ZNF574: variants seen among roughly 807,000 people sequenced by gnomAD.
The protein encoded by ZNF574 is zinc finger protein 574.
ZNF574 carries 25 observed loss-of-function variants against 56.6 expected under a neutral mutation model. The observed-to-expected ratio is 0.44, with a 90% CI of 0.32 to 0.62. The LOEUF (loss-of-function observed/expected upper bound fraction) is 0.62. ZNF574 is among the 20% of genes least tolerant of loss of function. The pLI is 0.04. For synonymous variants in ZNF574, 543 were observed against 492.1 expected (o/e 1.10, Z -1.37); for missense variants, 1,065 against 1,218.9 (o/e 0.87, Z 1.88).
At chr19:42,074,514 G>GTA (rs1244785053), upstream of ZNF574, among the ~76,000 whole-genome samples, 1 of 151,200 alleles carries the variant, frequency 6.6e-6, no homozygotes, top group Non-Finnish European at 1.5e-5. Flanking sequence ...AATAAAATGA[G>GTA]TAACTCCTAG....
intron 1 of ZNF574, among the ~76,000 whole-genome samples, chr19:42,070,132 C>G (rs1378583951): frequency 1.3e-5 from 2 of 152,078 alleles, no homozygotes; most frequent in African/African-American, 4.8e-5. Flanking sequence ...CTGGCTGCCG[C>G]CACCGCTCAG....
upstream of ZNF574, among the ~76,000 whole-genome samples, chr19:42,072,236 CTT>C (rs1200141888): frequency 9.6e-5 from 13 of 135,140 alleles, no homozygotes; most frequent in Non-Finnish European, 9.5e-5. Context: ...TTTTCCTTTT[CTT>C]TTTTTTTTTT....
chr19:42,079,021 G>C lies in ZNF574; in HGVS notation c.415G>C (p.Glu139Gln). The C allele has an allele frequency of 6.2e-7, 1 of 1,614,058 alleles. No homozygotes were observed. ...TTGCAAGGCTCTCTTTGCCAGCCAG[G>C]AGCTCTGGCTGAACCACCGGCAGAC... is the stretch of plus-strand genomic sequence containing the variant. Reference protein sequence around the residue: ...VDCKALFASQELWLNHRQTHL... With the variant: ...VDCKALFASQQLWLNHRQTHL... Residue 139 changes from glutamate (E) to glutamine (Q), a missense_variant, in exon 2 of 2, where the codon GAG becomes CAG. Coordinates refer to ENST00000359044, the MANE Select transcript of ZNF574 (RefSeq NM_022752.6). This position sits in a 1 kb window ranked among gnomAD's most constrained non-coding sequence, Gnocchi z 4.3.
rs755291367 is a variant in ZNF574, at chr19:42,081,160, G to A, written c.2554G>A (p.Val852Met). 6.2e-7 allele frequency: 1 copy of A among 1,614,100 alleles called. No individual in the cohort carries two copies. The highest frequency in any genetic ancestry group is 1.3e-5 in the African/African-American group (1 of 75,080). ...KTHQQQHQAA[V>M]RQQLAEAEAA... is the part of the protein sequence containing the mutation. Reference sequence around the variant, plus strand: ...CCATCAGCAGCAGCATCAGGCAGCTGTGCGGCAGCAGCTGGCAGAGGCGGA... The same window carrying A: ...CCATCAGCAGCAGCATCAGGCAGCTATGCGGCAGCAGCTGGCAGAGGCGGA... The change falls in exon 2 of 2, where the codon GTG becomes ATG. Residue 852 changes from valine (V) to methionine (M), a missense_variant. Physicochemically the swap from Val to Met is conservative, Grantham distance 21. Coordinates refer to ENST00000359044, the MANE Select transcript of ZNF574 (RefSeq NM_022752.6).
chr19:42,080,210 C>T lies in ZNF574; in HGVS notation c.1604C>T (p.Pro535Leu). 6.2e-7 allele frequency: 1 copy of T among 1,613,700 alleles called. No homozygotes were observed. Among genetic ancestry groups the T allele is most frequent in the Non-Finnish European group, 8.5e-7 (1 of 1,179,894 alleles). The change falls in exon 2 of 2, where the codon CCT (proline) becomes CTT (leucine). Residue 535 changes from proline (P) to leucine (L), a missense_variant. Transcript: ENST00000359044. The surrounding 1 kb of genome is among the most constrained non-coding windows in gnomAD (Gnocchi z 8.5). ...CPDCSKPFNS[P>L]ANLARHRLTH... ...GACTGCTCCAAGCCCTTCAACTCAC[C>T]TGCCAACCTGGCCCGCCACCGGCTC...
intron 1 of ZNF574, chr19:42,069,003 C>A (rs1263042046): frequency 1.9e-6 from 1 of 521,068 alleles, no homozygotes; most frequent in Non-Finnish European, 3.4e-6. Flanking sequence ...CCCGTAGGAC[C>A]CCAGAAAGCT....
chr19:42,079,081 C>T lies in ZNF574; in HGVS notation c.475C>T (p.Pro159Ser), dbSNP rs1232606983. The change falls in exon 2 of 2, where the codon CCT becomes TCT. Residue 159 changes from proline (P) to serine (S), a missense_variant. By Grantham distance (74) the Pro-to-Ser change is moderately conservative. Transcript: ENST00000359044. This position sits in a 1 kb window ranked among gnomAD's most constrained non-coding sequence, Gnocchi z 4.3. ...LRATPTKAPA[P>S]VVLGSPVVLG... ...GGCCACACCCACCAAGGCTCCTGCC[C>T]CTGTTGTCCTGGGGTCCCCAGTTGT... is the stretch of plus-strand genomic sequence containing the variant. 2 of 1,614,178 alleles carry T rather than the reference C, an allele frequency of 1.2e-6. No individual in the cohort carries two copies. Among genetic ancestry groups the T allele is most frequent in the Non-Finnish European group, 1.7e-6 (2 of 1,180,022 alleles).
intron 1 of ZNF574, among the ~76,000 whole-genome samples, chr19:42,078,126 G>C (rs2076468353): frequency 6.6e-6 from 1 of 151,992 alleles, no homozygotes; most frequent in Non-Finnish European, 1.5e-5. Flanking sequence ...CCATGGGAGG[G>C]GTGTGGCTGG....
At position 42,080,657 on chromosome 19, in the gene ZNF574, C is replaced by T. The variant is rs781173164; in HGVS notation, c.2051C>T (p.Ala684Val). 2 of 1,613,128 alleles carry T rather than the reference C, an allele frequency of 1.2e-6. No homozygotes were observed. The highest frequency in any genetic ancestry group is 2.2e-5 in the East Asian group (1 of 44,866). Residue 684 changes from alanine to valine, a missense_variant, in exon 2 of 2, where the codon GCA becomes GTA. Transcript: ENST00000359044. This position sits in a 1 kb window ranked among gnomAD's most constrained non-coding sequence, Gnocchi z 8.5. ...KKVGSAARLQ[A>V]HEAAHAAAGP... ...GTGGGCTCAGCTGCTCGACTGCAGG[C>T]ACACGAGGCGGCCCATGCAGCTGCT...
intron 1 of ZNF574, 118 bp from the exon 2 acceptor site, chr19:42,078,469 A>T: frequency 1.1e-6 from 1 of 909,034 alleles, no homozygotes; most frequent in Non-Finnish European, 1.7e-6. Context: ...GAATTTTAAA[A>T]ATCGAAGGAA....
In ZNF574 at chr19:42,076,693, A is replaced by T. The variant is rs113380955; in HGVS notation, c.-21+407A>T. Among the ~76,000 whole-genome samples the T allele has an allele frequency of 2.4e-3, 366 of 152,308 alleles. 5 individuals are homozygous for T. Among genetic ancestry groups the T allele is most frequent in the African/African-American group, 8.3e-3 (344 of 41,578 alleles). The stretch of plus-strand genomic sequence containing the variant: ...CACGTGGGTGCCCAGTTAGGGGCTT[A>T]GGGCGTGAGAAAGATAATTAAGTTA... On this transcript the variant is annotated intron_variant, in intron 1 of 1. Coordinates refer to ENST00000359044, the MANE Select transcript of ZNF574 (RefSeq NM_022752.6).
chr19:42,073,744 G>A (rs1281339533), upstream of ZNF574, among the ~76,000 whole-genome samples: 1 of 147,276 alleles, frequency 6.8e-6, no homozygotes, highest in Non-Finnish European at 1.5e-5. Flanking sequence ...TTGAGCCTGG[G>A]AGGCAGAGGT....
chr19:42,077,698 C>G (rs1042103657), intron 1 of ZNF574, among the ~76,000 whole-genome samples: 3 of 152,032 alleles, frequency 2.0e-5, no homozygotes, highest in Non-Finnish European at 4.4e-5. Context: ...GATAGATACC[C>G]TGGAGACAGG....
upstream of ZNF574, among the ~76,000 whole-genome samples, chr19:42,073,884 C>T (rs1380104216): frequency 1.4e-5 from 2 of 146,402 alleles, no homozygotes; most frequent in African/African-American, 2.5e-5. Context: ...AATCCCAACA[C>T]TTTGAGAGGC....
chr19:42,076,490 C>A (rs539339110), intron 1 of ZNF574, among the ~76,000 whole-genome samples: 12 of 150,444 alleles, frequency 8.0e-5, no homozygotes, highest in South Asian at 4.2e-4. Context: ...GGCCTGGAGT[C>A]GCGTGCGGGG....
In ZNF574 at chr19:42,079,906, T is replaced by C. The variant is rs1163912223; in HGVS notation, c.1300T>C (p.Phe434Leu). 1 of 1,613,950 alleles carries C rather than the reference T, an allele frequency of 6.2e-7. No homozygotes were observed. The highest frequency in any genetic ancestry group is 1.7e-5 in the Admixed American group (1 of 60,020). Residue 434 changes from phenylalanine (F) to leucine (L), a missense_variant, in exon 2 of 2, where the codon TTC (phenylalanine) becomes CTC (leucine). Physicochemically the swap from Phe to Leu is conservative, Grantham distance 22. Coordinates refer to ENST00000359044, the MANE Select transcript of ZNF574 (RefSeq NM_022752.6). This position sits in a 1 kb window ranked among gnomAD's most constrained non-coding sequence, Gnocchi z 4.3. The stretch of plus-strand genomic sequence containing the variant: ...CCCACCAGAGGAACCTGTCATTGGT[T>C]TCCCTGAGCCAGCCCCAGCAGAGAC... The part of the protein sequence containing the change: ...PVPPEEPVIG[F>L]PEPAPAETGE...
upstream of ZNF574, among the ~76,000 whole-genome samples, chr19:42,071,746 G>A (rs930371252): frequency 5.9e-5 from 9 of 152,122 alleles, no homozygotes; most frequent in Admixed American, 2.6e-4. Flanking sequence ...GCTCATTCCT[G>A]TAACCCCAGC....
chr19:42,072,402 C>CT (rs2146206828), upstream of ZNF574, among the ~76,000 whole-genome samples: 1 of 151,042 alleles, frequency 6.6e-6, no homozygotes, highest in African/African-American at 2.4e-5. Context: ...ACCCGGCTAA[C>CT]TTTTTTTGTA....
Position 42,079,532 on chromosome 19 carries a change from T to C in ZNF574, c.926T>C (p.Leu309Pro). Residue 309 changes from leucine to proline, a missense_variant, in exon 2 of 2, where the codon CTC (leucine) becomes CCC (proline). Transcript: ENST00000359044. This position sits in a 1 kb window ranked among gnomAD's most constrained non-coding sequence, Gnocchi z 4.3. Reference protein sequence around the residue: ...GEAGGAATQELFCSACDQLFL... With the variant: ...GEAGGAATQEPFCSACDQLFL... The stretch of plus-strand genomic sequence containing the variant: ...GCAGGCGGGGCAGCCACACAGGAGC[T>C]CTTCTGCTCAGCCTGTGACCAGCTC... The C allele has an allele frequency of 6.2e-7, 1 of 1,613,998 alleles. No homozygotes were observed. Among genetic ancestry groups the C allele is most frequent in the Non-Finnish European group, 8.5e-7 (1 of 1,180,014 alleles).
Sources: allele counts gnomAD v4.1 joint callset (sites outside exome capture counted in the v4.1 genomes callset), GRCh38; gene constraint gnomAD v4.1.1; non-coding constraint Gnocchi (gnomAD v3.1); transcripts MANE v1.5; gene names NCBI Gene and HGNC (gene_info 2026-07-23, HGNC 2026-07-21).